Variants in PIK3CB observed in about 807,000 individuals in gnomAD.
PIK3CB encodes phosphatidylinositol 4,5-bisphosphate 3-kinase catalytic subunit beta isoform.
In PIK3CB, 39 loss-of-function variants were observed where a neutral mutation model predicts 136.8. That is an observed-to-expected ratio of 0.29 (90% confidence interval 0.22 to 0.37). The LOEUF is 0.37. PIK3CB is among the 10% of genes least tolerant of loss of function. PIK3CB has a pLI of 1.00. For synonymous variants in PIK3CB, 428 were observed against 436.6 expected (o/e 0.98, Z 0.25); for missense variants, 868 against 1,275.4 (o/e 0.68, Z 4.87).
At chr3:138,732,263 T>G (rs2044997743) in intron 8 of PIK3CB, among the ~76,000 whole-genome samples, 1 of 152,176 alleles carries the variant, frequency 6.6e-6, no homozygotes, top group African/African-American at 2.4e-5. Context: ...TGTTGTATAT[T>G]AGATCTCCAG....
chr3:138,761,209 CA>C (rs937131260), intron 2 of PIK3CB, among the ~76,000 whole-genome samples: 1 of 152,134 alleles, frequency 6.6e-6, no homozygotes, highest in African/African-American at 2.4e-5. Context: ...ACCATTCACA[CA>C]AAACAAAACT....
intron 12 of PIK3CB, among the ~76,000 whole-genome samples, chr3:138,700,016 A>C (rs558718969): frequency 1.3e-5 from 2 of 152,316 alleles, no homozygotes; most frequent in East Asian, 3.9e-4. Flanking sequence ...AGCCTGGGCA[A>C]CAAAGTGAGA....
At chr3:138,695,928 T>C (rs1025685169) in intron 13 of PIK3CB, among the ~76,000 whole-genome samples, 2 of 126,768 alleles carry the variant, frequency 1.6e-5, no homozygotes, top group Non-Finnish European at 3.2e-5. Flanking sequence ...GCTAATTTTT[T>C]GTATTTTTTT....
At chr3:138,656,077 ACAGG>A in intron 23 of PIK3CB, 61 bp downstream of exon 23, 1 of 1,532,850 alleles carries the variant, frequency 6.5e-7, no homozygotes, top group South Asian at 1.1e-5. Flanking sequence ...CTTGAATAAA[ACAGG>A]CAGCTAAAAC....
chr3:138,751,143 C>T (rs1455629548), intron 4 of PIK3CB, among the ~76,000 whole-genome samples: 1 of 152,156 alleles, frequency 6.6e-6, no homozygotes, highest in Non-Finnish European at 1.5e-5. Flanking sequence ...AATTTGGGAA[C>T]CACCATAAAG....
chr3:138,802,887 T>C (rs538770982), intron 1 of PIK3CB, among the ~76,000 whole-genome samples: 11 of 152,308 alleles, frequency 7.2e-5, no homozygotes, highest in Admixed American at 5.2e-4. Context: ...ATGATGGATA[T>C]AGGAAAATAT....
intron 2 of PIK3CB, among the ~76,000 whole-genome samples, chr3:138,761,567 C>T (rs977531379): frequency 3.3e-5 from 5 of 152,004 alleles, no homozygotes; most frequent in African/African-American, 7.3e-5. Flanking sequence ...GTCAGGAGTT[C>T]GAGGCCAGCC....
chr3:138,664,975 G>T, intron 20 of PIK3CB, 61 bp downstream of exon 20: 1 of 1,118,416 alleles, frequency 8.9e-7, no homozygotes, highest in Non-Finnish European at 1.3e-6. Context: ...TCTATTGGGA[G>T]CATACAGTAT....
chr3:138,813,296 C>T (rs1559888594), intron 1 of PIK3CB, among the ~76,000 whole-genome samples: 1 of 152,098 alleles, frequency 6.6e-6, no homozygotes, highest in Non-Finnish European at 1.5e-5. Context: ...TTAAGACACA[C>T]TTAAGTGATA....
At position 138,712,253 on chromosome 3, in the gene PIK3CB, A is replaced by G; in HGVS notation, c.1354T>C (p.Leu452=). ...TGTAATATTATGTCTCCAGTTCTCA[A>G]TTGTCCTTTAAAGTCAAAAACCATC... ...NTMVFDFKGQ[L]RTGDIILHSW... The change falls in exon 10 of 24, where the codon TTG becomes CTG. Residue 452 remains leucine (L), a synonymous_variant. Transcript: ENST00000674063. 1 of 1,588,700 alleles carries G rather than the reference A, an allele frequency of 6.3e-7. No individual in the cohort carries two copies. Among genetic ancestry groups the G allele is most frequent in the Non-Finnish European group, 8.6e-7 (1 of 1,164,500 alleles).
chr3:138,804,933 G>A (rs2046215712), intron 1 of PIK3CB, among the ~76,000 whole-genome samples: 1 of 152,176 alleles, frequency 6.6e-6, no homozygotes, highest in South Asian at 2.1e-4. Context: ...GCTGAGGCAG[G>A]AGAATGGCAT....
At chr3:138,744,392 CAAAAAAAAAA>C (rs60503033) in intron 4 of PIK3CB, among the ~76,000 whole-genome samples, 518 of 45,100 alleles carry the variant, frequency 0.011, 41 homozygotes, top group Non-Finnish European at 0.015. Flanking sequence ...GAGACTCCCC[CAAAAAAAAAA>C]AAAAAAAAAA....
intron 8 of PIK3CB, among the ~76,000 whole-genome samples, chr3:138,720,379 C>T (rs2044701496): frequency 6.6e-6 from 1 of 152,196 alleles, no homozygotes; most frequent in South Asian, 2.1e-4. Flanking sequence ...ATTTCAACAA[C>T]CAACACCTCT....
At chr3:138,766,948 C>T (rs940946838) in intron 2 of PIK3CB, among the ~76,000 whole-genome samples, 3 of 152,046 alleles carry the variant, frequency 2.0e-5, no homozygotes, top group African/African-American at 4.8e-5. Context: ...TAGTATTAAG[C>T]TAAATATTCT....
At chr3:138,678,887 G>A (rs2043703588) in intron 19 of PIK3CB, among the ~76,000 whole-genome samples, 2 of 152,044 alleles carry the variant, frequency 1.3e-5, no homozygotes, top group Non-Finnish European at 2.9e-5. Flanking sequence ...CCAACATGGT[G>A]AAACCTCGTC....
At chr3:138,782,507 C>A in intron 2 of PIK3CB, among the ~76,000 whole-genome samples, 1 of 152,098 alleles carries the variant, frequency 6.6e-6, no homozygotes, top group East Asian at 1.9e-4. Flanking sequence ...ACAACTATAC[C>A]AAGGTCACTA....
At chr3:138,687,145 A>C (rs1391577443) in intron 16 of PIK3CB, among the ~76,000 whole-genome samples, 1 of 152,102 alleles carries the variant, frequency 6.6e-6, no homozygotes, top group Non-Finnish European at 1.5e-5. Context: ...TAAGTGTTTC[A>C]ACACCTTGTC....
intron 2 of PIK3CB, among the ~76,000 whole-genome samples, chr3:138,788,983 A>AC (rs1259069338): frequency 1.3e-5 from 2 of 149,700 alleles, no homozygotes; most frequent in Non-Finnish European, 3.0e-5. Flanking sequence ...AAAAAAAAAA[A>AC]AAAAAAAAAC....
intron 19 of PIK3CB, among the ~76,000 whole-genome samples, chr3:138,678,083 A>G (rs973558856): frequency 6.6e-6 from 1 of 152,058 alleles, no homozygotes; most frequent in Non-Finnish European, 1.5e-5. Context: ...GACCAGAGAG[A>G]GCAACATAGT....
Sources: gnomAD v4.1 joint callset for allele counts (sites outside exome capture counted in the v4.1 genomes callset) on GRCh38, gnomAD v4.1.1 for gene constraint, MANE v1.5 for transcripts, NCBI Gene and HGNC (gene_info 2026-07-23, HGNC 2026-07-21) for gene names.